NHSL1: variants seen among roughly 807,000 people sequenced by gnomAD.
NHSL1 encodes the protein NHS-like protein 1.
Under a neutral mutation model 95.0 loss-of-function variants are expected in NHSL1, and 48 were observed. The ratio of observed to expected loss-of-function variants is 0.51; its 90% confidence interval spans 0.40 to 0.64. The LOEUF is 0.64. Among genes scored for constraint, NHSL1 ranks in the 30% least tolerant of loss-of-function variants. NHSL1 has a pLI of 0.00. For synonymous variants in NHSL1, 783 were observed against 833.9 expected (o/e 0.94, Z 1.05); for missense variants, 1,971 against 2,077.7 (o/e 0.95, Z 1.00).
At chr6:138,670,510 C>CA (rs566771620) in intron 1 of NHSL1, among the ~76,000 whole-genome samples, 3 of 150,078 alleles carry the variant, frequency 2.0e-5, no homozygotes, top group Non-Finnish European at 4.4e-5. Flanking sequence ...ACTAAAAATA[C>CA]AAAAAATTAG....
chr6:138,450,222 T>C (rs111891498), intron 3 of NHSL1, among the ~76,000 whole-genome samples: 2,179 of 152,202 alleles, frequency 0.014, 56 homozygotes, highest in African/African-American at 0.051. Context: ...TTAAAATTAA[T>C]GTCACTGAAG....
chr6:138,567,077 G>A (rs7765643), intron 1 of NHSL1, among the ~76,000 whole-genome samples: 36,178 of 151,940 alleles, frequency 0.24, 8,451 homozygotes, highest in African/African-American at 0.61. Context: ...AATGCCAGAA[G>A]GAAGCTATTT....
Position 138,432,011 on chromosome 6 carries a change from G to T in NHSL1, c.2334C>A (p.Asp778Glu). The T allele has an allele frequency of 6.4e-7, 1 of 1,551,722 alleles. No homozygotes were observed. Among genetic ancestry groups the T allele is most frequent in the African/African-American group, 1.4e-5 (1 of 73,190 alleles). ...DTSSVKSEYT[D>E]PWGYYIDYTG... ...TGTAGTCAATGTAATAACCCCAGGG[G>T]TCCGTGTACTCTGACTTGACGCTGC... The change falls in exon 6 of 8, where the codon GAC becomes GAA. Residue 778 changes from aspartate to glutamate, a missense_variant. Coordinates refer to ENST00000343505, the MANE Select transcript of NHSL1 (RefSeq NM_001144060.2). This position sits in a 1 kb window ranked among gnomAD's most constrained non-coding sequence, Gnocchi z 4.4.
chr6:138,634,475 T>C (rs1248646329), intron 1 of NHSL1, among the ~76,000 whole-genome samples: 3 of 151,970 alleles, frequency 2.0e-5, no homozygotes, highest in Admixed American at 6.6e-5. Context: ...GGTCACCATA[T>C]AATGATAAAG....
intron 1 of NHSL1, among the ~76,000 whole-genome samples, chr6:138,579,809 T>A (rs148808327): frequency 6.6e-6 from 1 of 152,256 alleles, no homozygotes; most frequent in East Asian, 1.9e-4. Context: ...ACGTGACCTT[T>A]TAAAGCATTT....
At chr6:138,460,098 C>T (rs544335243) in intron 3 of NHSL1, among the ~76,000 whole-genome samples, 53 of 152,234 alleles carry the variant, frequency 3.5e-4, no homozygotes, top group African/African-American at 1.3e-3. Flanking sequence ...TCCCTTTGCT[C>T]TGAAAAAGTT....
At chr6:138,547,600 G>T (rs541671239), upstream of NHSL1, among the ~76,000 whole-genome samples, 5 of 152,276 alleles carry the variant, frequency 3.3e-5, no homozygotes, top group Non-Finnish European at 7.4e-5. Context: ...AGCCAGGATG[G>T]TCTCGATCTC....
chr6:138,661,862 A>G (rs1484243752), intron 1 of NHSL1, among the ~76,000 whole-genome samples: 1 of 152,106 alleles, frequency 6.6e-6, no homozygotes, highest in Non-Finnish European at 1.5e-5. Flanking sequence ...ATTGAGGCCA[A>G]GAATTCGAGA....
At chr6:138,442,190 C>T (rs767526735) in intron 4 of NHSL1, 76 bp from the exon 5 acceptor site, 4 of 1,375,266 alleles carry the variant, frequency 2.9e-6, no homozygotes, top group Non-Finnish European at 3.9e-6. Context: ...CTTCCAGAAG[C>T]TTGTTGTAAA....
chr6:138,454,433 C>T (rs1469417309), intron 3 of NHSL1, among the ~76,000 whole-genome samples: 2 of 152,036 alleles, frequency 1.3e-5, no homozygotes, highest in African/African-American at 4.8e-5. Flanking sequence ...GCAAAACTCC[C>T]CATAAGAGAA....
At chr6:138,579,959 T>C (rs916334656) in intron 1 of NHSL1, among the ~76,000 whole-genome samples, 1 of 152,214 alleles carries the variant, frequency 6.6e-6, no homozygotes, top group African/African-American at 2.4e-5. Flanking sequence ...ATGTGACACA[T>C]TGCTTGATAC....
intron 2 of NHSL1, among the ~76,000 whole-genome samples, chr6:138,494,031 C>T (rs1383255378): frequency 6.6e-6 from 1 of 152,150 alleles, no homozygotes; most frequent in Non-Finnish European, 1.5e-5. Context: ...CTGGAAGATA[C>T]ATTAGATAAT....
chr6:138,692,764 T>TGGCGGGGGCGG (rs1346738521), upstream of NHSL1: 1 of 150,866 alleles, frequency 6.6e-6, no homozygotes, highest in Non-Finnish European at 1.5e-5. This position sits in a 1 kb window ranked among gnomAD's most constrained non-coding sequence, Gnocchi z 4.0. Context: ...TGGAAGGGCA[T>TGGCGGGGGCGG]GGCGGGGGCG....
chr6:138,577,877 C>T (rs1200252930), intron 1 of NHSL1, among the ~76,000 whole-genome samples: 1 of 152,136 alleles, frequency 6.6e-6, no homozygotes, highest in African/African-American at 2.4e-5. Context: ...AACGGTATTA[C>T]CCCCAGGACC....
intron 3 of NHSL1, among the ~76,000 whole-genome samples, chr6:138,454,817 G>T (rs1308421000): frequency 6.6e-6 from 1 of 152,204 alleles, no homozygotes; most frequent in East Asian, 1.9e-4. Flanking sequence ...AAGCTACTTT[G>T]CATGGTTGCA....
intron 1 of NHSL1, among the ~76,000 whole-genome samples, chr6:138,522,821 G>C (rs1026949438): frequency 1.3e-5 from 2 of 151,804 alleles, no homozygotes; most frequent in Non-Finnish European, 2.9e-5. Flanking sequence ...AAAAAAAAAA[G>C]TTTACTTTCT....
intron 2 of NHSL1, among the ~76,000 whole-genome samples, chr6:138,484,348 G>A (rs1314812669): frequency 6.6e-6 from 1 of 151,872 alleles, no homozygotes; most frequent in Non-Finnish European, 1.5e-5. Flanking sequence ...TGCCAGGGGA[G>A]GGGGTAAAAA....
At chr6:138,642,187 CA>C (rs1298816166) in intron 1 of NHSL1, among the ~76,000 whole-genome samples, 3 of 151,906 alleles carry the variant, frequency 2.0e-5, no homozygotes, top group African/African-American at 7.2e-5. Context: ...CCTAATTCTA[CA>C]AGAATTTGTA....
At chr6:138,687,256 G>A (rs1012072232) in intron 1 of NHSL1, among the ~76,000 whole-genome samples, 1 of 151,002 alleles carries the variant, frequency 6.6e-6, no homozygotes. Flanking sequence ...CACAACGTAT[G>A]GAAACCTCAT....
Sources: gnomAD v4.1 joint callset for allele counts (sites outside exome capture counted in the v4.1 genomes callset) on GRCh38, gnomAD v4.1.1 for gene constraint, Gnocchi (gnomAD v3.1) non-coding constraint, MANE v1.5 for transcripts, NCBI Gene and HGNC (gene_info 2026-07-23, HGNC 2026-07-21) for gene names.